ANHX: variants seen among roughly 807,000 people sequenced by gnomAD.
The protein encoded by ANHX is anomalous homeobox, also known as anomalous homeobox protein.
In ANHX, 20 loss-of-function variants were observed where a neutral mutation model predicts 38.9. That is an observed-to-expected ratio of 0.51 (90% CI 0.36 to 0.75). The LOEUF (loss-of-function observed/expected upper bound fraction) is 0.75. ANHX is among the 30% of genes least tolerant of loss of function. The probability of loss-of-function intolerance (pLI) is 0.00; values close to 1 mark genes in which losing one functional copy is unlikely to be tolerated. For missense variants in ANHX, 475 were observed against 493.1 expected (o/e 0.96, Z 0.35); for synonymous variants, 185 against 203.1 (o/e 0.91, Z 0.76).
chr12:133,232,637 G>C (rs1417883004), intron 2 of ANHX, among the ~76,000 whole-genome samples: 1 of 152,160 alleles, frequency 6.6e-6, no homozygotes, highest in African/African-American at 2.4e-5. Context: ...GGTCTCAGCC[G>C]CAAGTCACCT....
At chr12:133,232,589 C>T (rs1272482974) in intron 2 of ANHX, among the ~76,000 whole-genome samples, 1 of 152,158 alleles carries the variant, frequency 6.6e-6, no homozygotes, top group East Asian at 1.9e-4. Context: ...CTGGGGTTGC[C>T]ACCCGTTCTT....
rs1957228288 is a variant in ANHX, at chr12:133,228,751, C to T, written c.378-804G>A. Among the ~76,000 whole-genome samples, 3 of 152,326 alleles carry T rather than the reference C, an allele frequency of 2.0e-5. No individual in the cohort carries two copies. In the East Asian group the frequency reaches 5.8e-4, roughly 29 times the overall value. On this transcript the variant is annotated intron_variant, in intron 3 of 9. Coordinates refer to ENST00000545940, the MANE Select transcript of ANHX (RefSeq NM_001372060.1). ...CTAAGAACACTCCCCTGAACTAATT[C>T]CCTGCTTGCCATCACCAGCATTTCT...
At chr12:133,224,845 T>C (rs1328763182) in intron 7 of ANHX, among the ~76,000 whole-genome samples, 1 of 149,552 alleles carries the variant, frequency 6.7e-6, no homozygotes, top group African/African-American at 2.5e-5. Flanking sequence ...CGGGCGCCTG[T>C]AGTCCCAGCT....
intron 3 of ANHX, among the ~76,000 whole-genome samples, chr12:133,229,304 T>C (rs976002055): frequency 9.9e-5 from 15 of 152,208 alleles, no homozygotes; most frequent in Non-Finnish European, 1.6e-4. Flanking sequence ...GAAAAGATGA[T>C]ATATGCACCA....
intron 7 of ANHX, among the ~76,000 whole-genome samples, 47 bp downstream of exon 7, chr12:133,225,489 C>A (rs1957177875): frequency 1.3e-5 from 2 of 152,232 alleles, no homozygotes. Flanking sequence ...CCTGAGTAGT[C>A]ACAGTGTCTG....
rs990760138 is a variant in ANHX at position 133,234,153 on chromosome 12, G to A, written c.204C>T (p.Val68=). 1.3e-6 allele frequency: 2 copies of A among 1,535,960 alleles called. No homozygotes were observed. The highest frequency in any genetic ancestry group is 1.7e-6 in the Non-Finnish European group (2 of 1,146,898). Residue 68 remains valine, a synonymous_variant, in exon 2 of 10, where the codon GTC becomes GTT. Transcript: ENST00000545940. The stretch of plus-strand genomic sequence containing the variant: ...CCTGCTGCTGCTCCTGCTGGTCCAG[G>A]ACACGGGCGCACGCCAGGGCCACAT... ...NADVALACAR[V]LDQQEQQQAA... is the part of the protein sequence containing the mutation.
rs141424137 is a variant in ANHX, at chr12:133,226,239, T to C, written c.839+79A>G. The C allele has an allele frequency of 2.2e-3, 3,401 of 1,534,000 alleles. 69 individuals carry two copies. In the African/African-American group the frequency reaches 0.042, roughly 19 times the overall value. On this transcript the variant is annotated intron_variant, in intron 6 of 9. Coordinates refer to ENST00000545940, the MANE Select transcript of ANHX (RefSeq NM_001372060.1). ...GGGGTCCTGTCACCCTTAGGCCTACTTCATGCCCTAGTCTCCACCTGAGGA... is the reference window on the plus strand; with the variant it reads ...GGGGTCCTGTCACCCTTAGGCCTACCTCATGCCCTAGTCTCCACCTGAGGA...
Position 133,227,123 on chromosome 12 carries a change from G to A in ANHX, c.531C>T (p.Thr177=). The A allele has an allele frequency of 6.5e-7, 1 of 1,535,750 alleles. No homozygotes were observed. The highest frequency in any genetic ancestry group is 8.7e-7 in the Non-Finnish European group (1 of 1,146,668). ...RENLALETSL[T]PEQVYNWFAN... ...CAAACCAGTTGTACACCTGCTCAGG[G>A]GTCAAGCTCGTCTCCAATGCCAAGT... is the stretch of plus-strand genomic sequence containing the variant. The change falls in exon 5 of 10, where the codon ACC becomes ACT. Residue 177 remains threonine (T), a synonymous_variant. Transcript: ENST00000545940.
At chr12:133,219,761 G>A (rs556302716) in intron 8 of ANHX, among the ~76,000 whole-genome samples, 44 of 152,252 alleles carry the variant, frequency 2.9e-4, no homozygotes, top group Admixed American at 1.0e-3. Flanking sequence ...GGCACTCCTG[G>A]GCATGCACCA....
chr12:133,231,493 C>T, intron 3 of ANHX, 24 bp downstream of exon 3: 1 of 1,535,930 alleles, frequency 6.5e-7, no homozygotes, highest in Non-Finnish European at 8.7e-7. Context: ...ATGAAATATG[C>T]ACAAGTAAAT....
Position 133,218,968 on chromosome 12 carries a change from GCACCTGGAAGACAA to G in ANHX, c.1366-11_1368del. 1 of 1,533,596 alleles carries G rather than the reference GCACCTGGAAGACAA, an allele frequency of 6.5e-7. No individual in the cohort carries two copies. Among genetic ancestry groups the G allele is most frequent in the African/African-American group, 1.4e-5 (1 of 73,090 alleles). 95.0% of individuals were successfully genotyped at this position (1,533,596 alleles called of 1,614,324 possible). A position where few individuals can be genotyped will look rare whatever the true frequency, so the allele number is the denominator to read the frequency against. On this transcript the variant is annotated splice_acceptor_variant and splice_polypyrimidine_tract_variant and coding_sequence_variant and intron_variant, in exon 10 of 10. Coordinates refer to ENST00000545940, the MANE Select transcript of ANHX (RefSeq NM_001372060.1). LOFTEE classifies it high-confidence loss of function. ...CCAGAGGCCTGGCTATCAGAACACTGCACCTGGAAGACAACACAGTGGTAAACACAGAGGCTTCC... is the reference window on the plus strand; with the variant it reads ...CCAGAGGCCTGGCTATCAGAACACTGCACAGTGGTAAACACAGAGGCTTCC...
intron 7 of ANHX, among the ~76,000 whole-genome samples, chr12:133,222,717 T>C (rs1053947936): frequency 3.3e-5 from 5 of 152,094 alleles, no homozygotes; most frequent in African/African-American, 1.2e-4. Context: ...TGGCCCTGCA[T>C]CAAGGAAGGG....
At chr12:133,225,888 G>C (rs1356048004) in intron 6 of ANHX, among the ~76,000 whole-genome samples, 60 bp from the exon 7 acceptor site, 1 of 152,234 alleles carries the variant, frequency 6.6e-6, no homozygotes, top group Non-Finnish European at 1.5e-5. Flanking sequence ...GGCAGGGCAG[G>C]AGGGAGCACA....
At position 133,230,832 on chromosome 12, in the gene ANHX, T is replaced by G. The variant is rs151137034; in HGVS notation, c.377+685A>C. On this transcript the variant is annotated intron_variant, in intron 3 of 9. Coordinates refer to ENST00000545940, the MANE Select transcript of ANHX (RefSeq NM_001372060.1). ...CCTGGCTTTGCAACTCTCTCTCGTG[T>G]GGAACCTCAGGTTACCCTTTCTGTG... is the stretch of plus-strand genomic sequence containing the variant. Among the ~76,000 whole-genome samples the G allele has an allele frequency of 6.5e-3, 985 of 152,234 alleles. 12 individuals carry two copies. The highest frequency in any genetic ancestry group is 0.023 in the African/African-American group (943 of 41,532).
At chr12:133,223,654 G>C (rs1383102029) in intron 7 of ANHX, among the ~76,000 whole-genome samples, 1 of 151,782 alleles carries the variant, frequency 6.6e-6, no homozygotes, top group Non-Finnish European at 1.5e-5. Flanking sequence ...CATCATATTG[G>C]CCAGGATGGT....
At chr12:133,220,273 T>C (rs1438199175) in intron 8 of ANHX, among the ~76,000 whole-genome samples, 1 of 152,014 alleles carries the variant, frequency 6.6e-6, no homozygotes, top group Non-Finnish European at 1.5e-5. Context: ...AGCATGGCCT[T>C]CAGATCGGAA....
In ANHX at chr12:133,221,350, A is replaced by G; in HGVS notation, c.1135T>C (p.Phe379Leu). 6.5e-7 allele frequency: 1 copy of G among 1,534,434 alleles called. No individual in the cohort carries two copies. The highest frequency in any genetic ancestry group is 8.7e-7 in the Non-Finnish European group (1 of 1,146,180). ...GGATGGCCGCTGGGGGGGCCAGAAA[A>G]CCCTGCATGTAATGAGATTCCACGG... ...ATLGDPSPTG[F>L]SGPPSGHPQS... Residue 379 changes from phenylalanine to leucine, a missense_variant and splice_region_variant, in exon 8 of 10, where the codon TTT becomes CTT. Coordinates refer to ENST00000545940, the MANE Select transcript of ANHX (RefSeq NM_001372060.1). This position sits in a 1 kb window ranked among gnomAD's most constrained non-coding sequence, Gnocchi z 4.1.
intron 1 of ANHX, 190 bp downstream of exon 1, chr12:133,235,617 G>T (rs1182130790): frequency 7.1e-6 from 1 of 141,390 alleles, no homozygotes; most frequent in Non-Finnish European, 1.6e-5. Flanking sequence ...TTACCCTCAG[G>T]GACTCCTGCC....
In ANHX at chr12:133,222,244, C is replaced by T. The variant is rs148070731; in HGVS notation, c.1133-892G>A. On this transcript the variant is annotated intron_variant, in intron 7 of 9. Transcript: ENST00000545940. Reference sequence around the variant, plus strand: ...CATCATAGTACAGCAATAGATTACGCATTCTCTTTCCAAGAGAAAGGGAAA... The same window carrying T: ...CATCATAGTACAGCAATAGATTACGTATTCTCTTTCCAAGAGAAAGGGAAA... 3.3e-4 allele frequency among the ~76,000 whole-genome samples: 50 copies of T among 152,324 alleles called. No homozygotes were observed. The East Asian group carries it at 9.2e-3, about 28-fold the overall frequency.
Sources: allele counts gnomAD v4.1 joint callset (sites outside exome capture counted in the v4.1 genomes callset), GRCh38; gene constraint gnomAD v4.1.1; non-coding constraint Gnocchi (gnomAD v3.1); transcripts MANE v1.5; gene names NCBI Gene and HGNC (gene_info 2026-07-23, HGNC 2026-07-21).